VPS50: variants seen among roughly 807,000 people sequenced by gnomAD.
VPS50 encodes VPS50 subunit of EARP/GARPII complex.
VPS50 carries 70 observed loss-of-function variants against 139.7 expected under a neutral mutation model. The ratio of observed to expected loss-of-function variants is 0.50; its 90% CI spans 0.41 to 0.61. The LOEUF is 0.61. Among genes scored for constraint, VPS50 ranks in the 20% least tolerant of loss-of-function variants. The pLI, the probability that VPS50 is intolerant of heterozygous loss-of-function variation, is 0.00. For synonymous variants in VPS50, 365 were observed against 376.7 expected, an observed-to-expected ratio of 0.97 and a Z score of 0.36; for missense variants, 921 against 1,133.7, an observed-to-expected ratio of 0.81 and a Z score of 2.69.
chr7:93,322,382 G>A (rs1391677171), intron 20 of VPS50, among the ~76,000 whole-genome samples: 3 of 151,774 alleles, frequency 2.0e-5, no homozygotes, highest in Non-Finnish European at 4.4e-5. Flanking sequence ...GGCGGATCAC[G>A]AGGTCAGGAG....
chr7:93,289,449 AT>A (rs1796586739), intron 12 of VPS50, among the ~76,000 whole-genome samples: 1 of 151,976 alleles, frequency 6.6e-6, no homozygotes, highest in Non-Finnish European at 1.5e-5. Context: ...TGTTGTGAAT[AT>A]TTTACAGAGT....
At chr7:93,259,497 G>T (rs1795599881) in intron 8 of VPS50, 53 bp from the exon 9 acceptor site, 1 of 901,052 alleles carries the variant, frequency 1.1e-6, no homozygotes, top group Non-Finnish European at 1.8e-6. Flanking sequence ...TTTATCAGGG[G>T]CTTTAAGAAA....
At chr7:93,251,710 A>G (rs562837559) in intron 2 of VPS50, among the ~76,000 whole-genome samples, 11 of 152,302 alleles carry the variant, frequency 7.2e-5, no homozygotes, top group African/African-American at 2.6e-4. Context: ...AACTGACCAG[A>G]TAATTTTTGT....
intron 3 of VPS50, 88 bp downstream of exon 3, chr7:93,252,863 A>G (rs1346271797): frequency 5.6e-6 from 6 of 1,070,252 alleles, no homozygotes; most frequent in Non-Finnish European, 8.1e-6. Context: ...TGAGGCATTT[A>G]TGTATTTTTG....
chr7:93,340,615 T>C (rs1268054275), intron 22 of VPS50: 1 of 152,212 alleles, frequency 6.6e-6, no homozygotes, highest in Non-Finnish European at 1.5e-5. Flanking sequence ...TTATATGAAG[T>C]CCAAGAATGT....
intron 1 of VPS50, among the ~76,000 whole-genome samples, chr7:93,239,089 G>A (rs1794903117): frequency 6.6e-6 from 1 of 152,022 alleles, no homozygotes; most frequent in African/African-American, 2.4e-5. Context: ...CCAATATAGG[G>A]CACCTAAAGG....
At chr7:93,281,558 G>T (rs1375039838) in intron 12 of VPS50, among the ~76,000 whole-genome samples, 4 of 152,044 alleles carry the variant, frequency 2.6e-5, no homozygotes, top group Non-Finnish European at 4.4e-5. Context: ...GTTCTCTATA[G>T]AATTAACTGC....
chr7:93,350,088 C>T (rs1250534203), intron 25 of VPS50, 55 bp downstream of exon 25: 7 of 1,275,682 alleles, frequency 5.5e-6, no homozygotes, highest in Middle Eastern at 1.9e-4. Context: ...GAGAAGTGTT[C>T]CTTTATTGCA....
At chr7:93,308,067 C>G (rs1277528100) in intron 18 of VPS50, among the ~76,000 whole-genome samples, 1 of 151,744 alleles carries the variant, frequency 6.6e-6, no homozygotes, top group Non-Finnish European at 1.5e-5. Flanking sequence ...TTAGCTATTA[C>G]TTAATGATAT....
intron 21 of VPS50, among the ~76,000 whole-genome samples, chr7:93,324,646 A>G (rs1472885356): frequency 6.6e-6 from 1 of 152,198 alleles, no homozygotes; most frequent in Non-Finnish European, 1.5e-5. Flanking sequence ...TTATACACCA[A>G]TAACAGTCAA....
chr7:93,270,985 T>A (rs1220184581), intron 9 of VPS50: 10 of 437,298 alleles, frequency 2.3e-5, no homozygotes, highest in Non-Finnish European at 3.5e-5. Context: ...TTTTTATTTT[T>A]ATCTGTAGAT....
chr7:93,268,638 C>A (rs1233739050), intron 9 of VPS50, among the ~76,000 whole-genome samples: 1 of 152,110 alleles, frequency 6.6e-6, no homozygotes, highest in African/African-American at 2.4e-5. Context: ...TCATCCATGT[C>A]CCTGCAAAGG....
intron 21 of VPS50, among the ~76,000 whole-genome samples, chr7:93,325,997 C>G (rs1363908591): frequency 2.0e-5 from 3 of 151,384 alleles, no homozygotes; most frequent in Admixed American, 1.3e-4. Flanking sequence ...CACATGCACA[C>G]GTATGTTTAT....
intron 25 of VPS50, among the ~76,000 whole-genome samples, chr7:93,350,914 T>G (rs1248880249): frequency 6.6e-6 from 1 of 152,196 alleles, no homozygotes; most frequent in Non-Finnish European, 1.5e-5. Context: ...AAATTGTCCC[T>G]TCTTAACCTC....
In VPS50 at chr7:93,349,928, T is replaced by C; in HGVS notation, c.2358T>C (p.Gly786=). ...LRKPIYWIVA[G]KALDYEQMLL... ...AACCAATTTACTGGATTGTAGCTGG[T>C]AAAGCCCTTGATTATGAACAGATGC... The change falls in exon 25 of 28, where the codon GGT becomes GGC. Residue 786 remains glycine (G), a synonymous_variant. Coordinates refer to ENST00000305866, the MANE Select transcript of VPS50 (RefSeq NM_017667.4). The C allele has an allele frequency of 6.2e-7, 1 of 1,613,548 alleles. No homozygotes were observed. The highest frequency in any genetic ancestry group is 2.2e-5 in the East Asian group (1 of 44,856).
intron 22 of VPS50, among the ~76,000 whole-genome samples, chr7:93,338,351 A>G (rs9641113): frequency 0.72 from 109,688 of 152,078 alleles, 41,412 homozygotes; most frequent in East Asian, 0.99. Flanking sequence ...ATTGTGTTGA[A>G]AGCAATGAAG....
chr7:93,331,772 G>A (rs1464367584), intron 21 of VPS50, among the ~76,000 whole-genome samples: 1 of 152,078 alleles, frequency 6.6e-6, no homozygotes, highest in African/African-American at 2.4e-5. Flanking sequence ...TTGCTAAAGA[G>A]GTAGAAATAC....
intron 2 of VPS50, among the ~76,000 whole-genome samples, chr7:93,243,663 A>G (rs531531710): frequency 3.1e-4 from 47 of 152,146 alleles, no homozygotes; most frequent in African/African-American, 1.1e-3. Flanking sequence ...CCATTTAAAC[A>G]TGAAAGGTAT....
In VPS50 at chr7:93,232,471, CA is replaced by C; in HGVS notation, c.10del (p.Ile4SerfsTer5). ...GTACCCTCCTCAGGATTTCGATATG[CA>C]AAAAATCAAATCTCTCATGACCCGA... MQKIKSLMTRQG... is the reference protein window; with the variant it reads MXKIKSLMTRQG... On this transcript the variant is annotated frameshift_variant, in exon 1 of 28. Transcript: ENST00000305866. LOFTEE classifies it high-confidence loss of function. 2 of 1,613,132 alleles carry C rather than the reference CA, an allele frequency of 1.2e-6. No homozygotes were observed. Among genetic ancestry groups the C allele is most frequent in the Non-Finnish European group, 1.7e-6 (2 of 1,179,272 alleles).
Sources: gnomAD v4.1 joint callset for allele counts (sites outside exome capture counted in the v4.1 genomes callset) on GRCh38, gnomAD v4.1.1 for gene constraint, MANE v1.5 for transcripts, NCBI Gene and HGNC (gene_info 2026-07-23, HGNC 2026-07-21) for gene names.